The following DLG2 variants were observed in gnomAD, a reference collection of about 807,000 sequenced individuals.
DLG2 encodes discs large MAGUK scaffold protein 2, also known as disks large homolog 2.
A neutral mutation model predicts 132.5 loss-of-function variants in DLG2; 45 were observed. That is an observed-to-expected ratio of 0.34 (90% CI 0.27 to 0.44). The LOEUF (loss-of-function observed/expected upper bound fraction) is 0.44. Ranked by LOEUF, DLG2 falls within the 20% of genes least tolerant of loss-of-function variation. DLG2 has a pLI of 1.00. For missense variants in DLG2, 1,045 were observed against 1,196.9 expected, an observed-to-expected ratio of 0.87 and a Z score of 1.87; for synonymous variants, 424 against 419.6, an observed-to-expected ratio of 1.01 and a Z score of -0.13.
intron 6 of DLG2, among the ~76,000 whole-genome samples, chr11:85,063,119 C>T (rs1222276099): frequency 6.6e-6 from 1 of 151,844 alleles, no homozygotes; most frequent in Non-Finnish European, 1.5e-5. Context: ...GGTCAAAGCG[C>T]TCATTCTCGC....
intron 6 of DLG2, chr11:85,021,564 T>C: frequency 6.3e-7 from 1 of 1,586,794 alleles, no homozygotes; most frequent in Admixed American, 1.7e-5. Context: ...CCACATCAGA[T>C]TTCTTGACCA....
intron 19 of DLG2, among the ~76,000 whole-genome samples, chr11:83,615,286 G>A (rs1291023979): frequency 2.6e-5 from 4 of 152,166 alleles, no homozygotes; most frequent in African/African-American, 9.7e-5. Flanking sequence ...GTTGTGACAG[G>A]CACTTTACAA....
chr11:85,626,790 C>T (rs1185388510), intron 1 of DLG2, 37 bp from the exon 2 acceptor site: 1 of 152,088 alleles, frequency 6.6e-6, no homozygotes, highest in Admixed American at 6.6e-5. Context: ...GTATTTTTTC[C>T]ACAACTAAAC....
intron 14 of DLG2, among the ~76,000 whole-genome samples, chr11:83,932,106 A>G (rs2080361875): frequency 1.3e-5 from 2 of 152,210 alleles, no homozygotes. Flanking sequence ...AAAACATAAC[A>G]AACCACTTGA....
At chr11:85,274,194 G>GTA (rs1368770376) in intron 4 of DLG2, among the ~76,000 whole-genome samples, 1 of 152,146 alleles carries the variant, frequency 6.6e-6, no homozygotes, top group Non-Finnish European at 1.5e-5. Flanking sequence ...CATGGCACAT[G>GTA]TATACATATG....
intron 9 of DLG2, among the ~76,000 whole-genome samples, chr11:84,141,206 T>C (rs917488607): frequency 6.6e-6 from 1 of 152,026 alleles, no homozygotes; most frequent in Non-Finnish European, 1.5e-5. Context: ...TTTATTTTCC[T>C]ATCTATCTAT....
intron 20 of DLG2, among the ~76,000 whole-genome samples, chr11:83,541,087 T>C (rs1313670383): frequency 3.3e-5 from 5 of 152,018 alleles, no homozygotes; most frequent in East Asian, 3.9e-4. Context: ...TTGGTGGCTA[T>C]TGGAAGTTGT....
chr11:83,846,939 G>T (rs56208633), intron 16 of DLG2, among the ~76,000 whole-genome samples: 1 of 94,596 alleles, frequency 1.1e-5, no homozygotes, highest in Admixed American at 1.2e-4. Context: ...TATCTCCCAA[G>T]CCAAAAAAAA....
chr11:83,528,218 G>T (rs527931926), intron 21 of DLG2, among the ~76,000 whole-genome samples: 1 of 152,264 alleles, frequency 6.6e-6, no homozygotes, highest in South Asian at 2.1e-4. Context: ...ACTTTGTAAA[G>T]GCACACAGAG....
At chr11:83,995,150 T>C (rs1458007945) in intron 11 of DLG2, among the ~76,000 whole-genome samples, 1 of 152,170 alleles carries the variant, frequency 6.6e-6, no homozygotes, top group Non-Finnish European at 1.5e-5. Flanking sequence ...CAACTCATAA[T>C]ACTGGAACTG....
intron 3 of DLG2, among the ~76,000 whole-genome samples, chr11:85,561,245 T>G (rs1455883590): frequency 1.4e-5 from 2 of 142,150 alleles, no homozygotes; most frequent in Non-Finnish European, 3.0e-5. Context: ...GACAGGAGGA[T>G]CTCTTGAGCC....
intron 11 of DLG2, among the ~76,000 whole-genome samples, chr11:84,030,438 C>A (rs754697711): frequency 6.6e-6 from 1 of 152,112 alleles, no homozygotes; most frequent in Non-Finnish European, 1.5e-5. Context: ...AGATCTCAAA[C>A]TTGTTTTGTC....
chr11:84,252,771 T>C (rs1356615422), intron 7 of DLG2, among the ~76,000 whole-genome samples: 3 of 152,208 alleles, frequency 2.0e-5, no homozygotes, highest in Admixed American at 2.0e-4. Flanking sequence ...GGATCTTTCA[T>C]CTTTGTCTCA....
At chr11:83,521,609 C>T (rs192396057) in intron 21 of DLG2, among the ~76,000 whole-genome samples, 7 of 152,228 alleles carry the variant, frequency 4.6e-5, no homozygotes, top group Admixed American at 1.3e-4. Context: ...TTTTAATTTC[C>T]GGTCTGGACT....
chr11:83,489,373 C>A (rs2093709678), intron 21 of DLG2, among the ~76,000 whole-genome samples: 3 of 151,744 alleles, frequency 2.0e-5, no homozygotes, highest in Non-Finnish European at 1.5e-5. Flanking sequence ...TGCAAGAAAC[C>A]AATAAAAAAT....
At chr11:83,522,806 C>G (rs547813550) in intron 21 of DLG2, among the ~76,000 whole-genome samples, 11 of 27,424 alleles carry the variant, frequency 4.0e-4, no homozygotes, top group Non-Finnish European at 7.8e-4. Context: ...ATTTTAGAGC[C>G]CCCCCCCCCT....
At chr11:85,358,449 T>C (rs2083907223) in intron 3 of DLG2, among the ~76,000 whole-genome samples, 1 of 152,186 alleles carries the variant, frequency 6.6e-6, no homozygotes, top group African/African-American at 2.4e-5. Flanking sequence ...GCTCATGTAT[T>C]TACCCATTCA....
intron 18 of DLG2, among the ~76,000 whole-genome samples, chr11:83,764,135 G>C (rs1004865396): frequency 2.0e-5 from 3 of 152,136 alleles, no homozygotes; most frequent in Non-Finnish European, 2.9e-5. Context: ...CCTCATACCA[G>C]CTTATGTAAA....
intron 18 of DLG2, among the ~76,000 whole-genome samples, chr11:83,765,455 T>C (rs1256795575): frequency 6.6e-6 from 1 of 152,248 alleles, no homozygotes; most frequent in African/African-American, 2.4e-5. Flanking sequence ...ATCAAAATTC[T>C]GGCTCTTGAT....
Sources: allele counts gnomAD v4.1 joint callset (sites outside exome capture counted in the v4.1 genomes callset), GRCh38; gene constraint gnomAD v4.1.1; transcripts MANE v1.5; gene names NCBI Gene and HGNC (gene_info 2026-07-23, HGNC 2026-07-21).